The following MAST4 variants were observed in gnomAD, a reference collection of about 807,000 sequenced individuals.
The protein encoded by MAST4 is microtubule-associated serine/threonine-protein kinase 4.
MAST4 carries 89 observed loss-of-function variants against 162.7 expected under a neutral mutation model. The ratio of observed to expected loss-of-function variants is 0.55; its 90% CI spans 0.46 to 0.65. The LOEUF (loss-of-function observed/expected upper bound fraction) is 0.65, where lower values mean the gene tolerates loss of function less well. MAST4 is among the 30% of genes least tolerant of loss of function. The pLI, the probability that MAST4 is intolerant of heterozygous loss-of-function variation, is 0.00. For synonymous variants in MAST4, 1,479 were observed against 1,361.1 expected (o/e 1.09, Z -1.91); for missense variants, 3,153 against 3,374.0 (o/e 0.93, Z 1.62).
At position 66,656,364 on chromosome 5, in the gene MAST4, A is replaced by G. The variant is rs149404364; in HGVS notation, c.363+59346A>G. On this transcript the variant is annotated intron_variant, in intron 1 of 28. Coordinates refer to ENST00000403625, the MANE Select transcript of MAST4 (RefSeq NM_001164664.2). ...TCAGAAATTGCCTGTTTGCTTGCTGATGAGGTTGGGAACGTTGTTAAATCC... is the reference window on the plus strand; with the variant it reads ...TCAGAAATTGCCTGTTTGCTTGCTGGTGAGGTTGGGAACGTTGTTAAATCC... Among the ~76,000 whole-genome samples, 243 of 152,294 alleles carry G rather than the reference A, an allele frequency of 1.6e-3. 1 individual carries two copies. The highest frequency in any genetic ancestry group is 5.7e-3 in the African/African-American group (235 of 41,564).
chr5:66,913,849 C>T (rs1011474420), intron 4 of MAST4, among the ~76,000 whole-genome samples: 6 of 152,152 alleles, frequency 3.9e-5, no homozygotes, highest in African/African-American at 1.4e-4. Context: ...TTCATTTCTG[C>T]ATACACGTCT....
intron 5 of MAST4, among the ~76,000 whole-genome samples, chr5:67,065,774 A>G (rs759037832): frequency 6.6e-6 from 1 of 152,234 alleles, no homozygotes; most frequent in African/African-American, 2.4e-5. Context: ...TTTCAGCTTT[A>G]TGATGCTTTA....
intron 3 of MAST4, chr5:66,792,147 C>T (rs1447245835): frequency 6.0e-6 from 1 of 166,902 alleles, no homozygotes; most frequent in East Asian, 1.9e-4. Context: ...TGGGAATGTA[C>T]ACCTTGTATA....
At chr5:66,672,423 G>T (rs150443270) in intron 1 of MAST4, among the ~76,000 whole-genome samples, 2 of 152,158 alleles carry the variant, frequency 1.3e-5, no homozygotes, top group East Asian at 3.9e-4. Context: ...TTATTTGAAT[G>T]AGTTATTGCA....
At position 67,070,239 on chromosome 5, in the gene MAST4, G is replaced by A. The variant is rs114400744; in HGVS notation, c.763+15747G>A. The stretch of plus-strand genomic sequence containing the variant: ...TTCTCCCTTCTCTGGAGACATAGGC[G>A]GACTTTTAACATCAAGAGATGTACA... On this transcript the variant is annotated intron_variant, in intron 5 of 28. Transcript: ENST00000403625. Among the ~76,000 whole-genome samples, 580 of 152,216 alleles carry A rather than the reference G, an allele frequency of 3.8e-3. 4 individuals are homozygous for A. Among genetic ancestry groups the A allele is most frequent in the Middle Eastern group, 0.01 (3 of 294 alleles).
intron 1 of MAST4, among the ~76,000 whole-genome samples, chr5:66,680,785 A>G (rs959839954): frequency 6.6e-6 from 1 of 152,192 alleles, no homozygotes; most frequent in Non-Finnish European, 1.5e-5. Context: ...AGAGTGCAGC[A>G]GTGTCCTGGT....
intron 2 of MAST4, among the ~76,000 whole-genome samples, chr5:66,778,418 G>T (rs1457821210): frequency 6.6e-6 from 1 of 152,138 alleles, no homozygotes; most frequent in Non-Finnish European, 1.5e-5. Flanking sequence ...CAAAGGTAGT[G>T]ATGTGCTTGT....
intron 4 of MAST4, among the ~76,000 whole-genome samples, chr5:66,989,582 G>A (rs1749860030): frequency 6.6e-6 from 1 of 152,116 alleles, no homozygotes; most frequent in Admixed American, 6.5e-5. Flanking sequence ...TGTGAATATG[G>A]TGAAGCATAA....
chr5:66,973,216 G>A (rs1363262440), intron 4 of MAST4, among the ~76,000 whole-genome samples: 5 of 151,482 alleles, frequency 3.3e-5, no homozygotes, highest in Non-Finnish European at 5.9e-5. Flanking sequence ...TATTATTATG[G>A]CGTTAAAATT....
chr5:66,847,493 G>T (rs1758941106), intron 3 of MAST4, among the ~76,000 whole-genome samples: 1 of 152,164 alleles, frequency 6.6e-6, no homozygotes, highest in Non-Finnish European at 1.5e-5. Context: ...AATTAGCCAG[G>T]CGTGGTAGTG....
intron 8 of MAST4, among the ~76,000 whole-genome samples, chr5:67,102,173 C>CTATTT (rs541814997): frequency 1.4e-3 from 219 of 152,044 alleles, no homozygotes; most frequent in African/African-American, 5.0e-3. Flanking sequence ...TGTAGCTATC[C>CTATTT]TATTTTATTT....
intron 26 of MAST4, among the ~76,000 whole-genome samples, chr5:67,155,983 C>G (rs1297101936): frequency 6.6e-6 from 1 of 150,544 alleles, no homozygotes; most frequent in Non-Finnish European, 1.5e-5. Flanking sequence ...TTCTTGAACC[C>G]GGGAGGCGGA....
In MAST4 at chr5:66,966,872, A is replaced by T. The variant is rs562006047; in HGVS notation, c.674+66890A>T. Among the ~76,000 whole-genome samples the T allele has an allele frequency of 3.3e-5, 5 of 152,352 alleles. No homozygotes were observed. The South Asian group carries it at 1.0e-3, about 32-fold the overall frequency. On this transcript the variant is annotated intron_variant, in intron 4 of 28. Coordinates refer to ENST00000403625, the MANE Select transcript of MAST4 (RefSeq NM_001164664.2). ...TGCAATTTCTAGCATTAGTGACTTGAACCCCAAAAAACAGAGTTGGTGAGG... is the reference window on the plus strand; with the variant it reads ...TGCAATTTCTAGCATTAGTGACTTGTACCCCAAAAAACAGAGTTGGTGAGG...
chr5:66,914,632 T>A (rs1272002458), intron 4 of MAST4, among the ~76,000 whole-genome samples: 1 of 152,152 alleles, frequency 6.6e-6, no homozygotes. Context: ...TGCAGGGGAC[T>A]CAGAGGGTTA....
intron 3 of MAST4, among the ~76,000 whole-genome samples, chr5:66,798,438 GC>G (rs1301764352): frequency 6.6e-6 from 1 of 152,140 alleles, no homozygotes; most frequent in African/African-American, 2.4e-5. Flanking sequence ...GTCATTCCAA[GC>G]CCTAGTGCTT....
At chr5:66,774,995 C>CTG (rs33936607) in intron 2 of MAST4, among the ~76,000 whole-genome samples, 3,375 of 142,102 alleles carry the variant, frequency 0.024, 65 homozygotes, top group African/African-American at 0.053. Context: ...TATCCTTTTC[C>CTG]TGTGTGTGTG....
chr5:66,757,764 C>T (rs1001306191), intron 1 of MAST4, among the ~76,000 whole-genome samples: 1 of 152,080 alleles, frequency 6.6e-6, no homozygotes, highest in Non-Finnish European at 1.5e-5. Flanking sequence ...GTTTACCGTT[C>T]CTGTAACTTT....
rs566531131 is a variant in MAST4 at position 67,014,567 on chromosome 5, T to C, written c.675-39837T>C. ...ATTTTTACTGTGTGGCCTGTAAAAC[T>C]TATTTGTAGCATTCTTTCTCAATAG... On this transcript the variant is annotated intron_variant, in intron 4 of 28. Transcript: ENST00000403625. 1.3e-4 allele frequency among the ~76,000 whole-genome samples: 20 copies of C among 152,334 alleles called. 1 individual carries two copies. The South Asian group carries it at 4.1e-3, about 32-fold the overall frequency.
intron 3 of MAST4, among the ~76,000 whole-genome samples, chr5:66,878,447 G>C (rs115688146): frequency 3.3e-5 from 5 of 152,142 alleles, no homozygotes; most frequent in Non-Finnish European, 7.3e-5. Flanking sequence ...CAGCACCTTT[G>C]GGCAGTGAGG....
Sources: gnomAD v4.1 joint callset for allele counts (sites outside exome capture counted in the v4.1 genomes callset) on GRCh38, gnomAD v4.1.1 for gene constraint, MANE v1.5 for transcripts, NCBI Gene and HGNC (gene_info 2026-07-23, HGNC 2026-07-21) for gene names.